The following CHRNA7 variants were observed in gnomAD, a reference collection of about 807,000 sequenced individuals.
CHRNA7 encodes the protein neuronal acetylcholine receptor subunit alpha-7.
CHRNA7 carries 17 observed loss-of-function variants against 48.0 expected under a neutral mutation model. That is an observed-to-expected ratio of 0.35 (90% CI 0.24 to 0.53). The LOEUF is 0.53. Ranked by LOEUF, CHRNA7 falls within the 20% of genes least tolerant of loss-of-function variation. The pLI, the probability that CHRNA7 is intolerant of heterozygous loss-of-function variation, is 0.92. For synonymous variants in CHRNA7, 75 were observed against 242.3 expected, an observed-to-expected ratio of 0.31 and a Z score of 6.41; for missense variants, 155 against 577.7, an observed-to-expected ratio of 0.27 and a Z score of 7.50.
intron 2 of CHRNA7, among the ~76,000 whole-genome samples, chr15:32,049,585 C>G (rs949063119): frequency 5.3e-5 from 8 of 152,242 alleles, no homozygotes; most frequent in Admixed American, 3.9e-4. Context: ...ACTGATGGGT[C>G]TTGACTCTTT....
chr15:32,034,018 A>G (rs1901968002), intron 2 of CHRNA7, among the ~76,000 whole-genome samples: 1 of 152,254 alleles, frequency 6.6e-6, no homozygotes, highest in Non-Finnish European at 1.5e-5. Context: ...TAACAGAAAG[A>G]TGAGGGATTA....
intron 2 of CHRNA7, chr15:32,099,799 G>A (rs1214196660): frequency 6.6e-6 from 1 of 152,240 alleles, no homozygotes; most frequent in South Asian, 2.1e-4. Flanking sequence ...GGGATCATTT[G>A]CTCAGTGCAG....
chr15:32,096,785 G>A (rs547292793), intron 2 of CHRNA7, among the ~76,000 whole-genome samples: 45 of 152,302 alleles, frequency 3.0e-4, no homozygotes, highest in African/African-American at 1.0e-3. Context: ...CCAGATAGAC[G>A]ATTATTCAGA....
chr15:32,116,840 A>G (rs966884159), intron 4 of CHRNA7, among the ~76,000 whole-genome samples: 1 of 152,222 alleles, frequency 6.6e-6, no homozygotes, highest in African/African-American at 2.4e-5. Context: ...TTAGAACAGC[A>G]TGGGGTTTCA....
intron 4 of CHRNA7, among the ~76,000 whole-genome samples, chr15:32,150,130 C>T (rs887960986): frequency 3.3e-5 from 5 of 152,170 alleles, no homozygotes; most frequent in African/African-American, 7.2e-5. Flanking sequence ...TAGCTCACTG[C>T]AGCCTCAAAC....
intron 2 of CHRNA7, among the ~76,000 whole-genome samples, chr15:32,078,433 G>A (rs1300412831): frequency 6.6e-6 from 1 of 152,046 alleles, no homozygotes; most frequent in African/African-American, 2.4e-5. Context: ...TTTTTCGTAT[G>A]TGGATGTGAG....
intron 4 of CHRNA7, among the ~76,000 whole-genome samples, chr15:32,117,516 A>C (rs1420267732): frequency 6.6e-6 from 1 of 152,192 alleles, no homozygotes; most frequent in Non-Finnish European, 1.5e-5. Context: ...TTGTAGATCC[A>C]ATCTCAGCTT....
chr15:32,051,252 G>T, intron 2 of CHRNA7, among the ~76,000 whole-genome samples: 1 of 151,888 alleles, frequency 6.6e-6, no homozygotes, highest in Admixed American at 6.6e-5. Context: ...GCCCCCAGAG[G>T]TGGAGCCTAC....
At chr15:32,071,473 C>T (rs746499559) in intron 2 of CHRNA7, among the ~76,000 whole-genome samples, 2 of 152,146 alleles carry the variant, frequency 1.3e-5, no homozygotes, top group African/African-American at 2.4e-5. Flanking sequence ...CAAGTACACA[C>T]TTCGTTAGAT....
chr15:32,129,202 G>T, intron 4 of CHRNA7, among the ~76,000 whole-genome samples: 1 of 151,720 alleles, frequency 6.6e-6, no homozygotes, highest in East Asian at 1.9e-4. Context: ...AGAGAATGTG[G>T]TCTGTAGTTT....
At chr15:32,078,786 C>T (rs2050172827) in intron 2 of CHRNA7, among the ~76,000 whole-genome samples, 1 of 152,050 alleles carries the variant, frequency 6.6e-6, no homozygotes, top group South Asian at 2.1e-4. Flanking sequence ...AGGGACTCCA[C>T]CCTAACTCAT....
intron 4 of CHRNA7, among the ~76,000 whole-genome samples, chr15:32,128,090 C>T (rs546839213): frequency 2.9e-4 from 44 of 152,018 alleles, no homozygotes; most frequent in African/African-American, 9.9e-4. Flanking sequence ...TTCTGAATTG[C>T]TTTGAAAAAA....
Position 32,137,340 on chromosome 15 carries a change from C to G in CHRNA7, c.351-16567C>G, listed in dbSNP as rs867979242. Among the ~76,000 whole-genome samples the G allele has an allele frequency of 9.1e-3, 1,381 of 151,388 alleles. 8 individuals are homozygous for G. The highest frequency in any genetic ancestry group is 0.015 in the Non-Finnish European group (1,020 of 67,824). ...TGAGTGGCTATGTTTACAACACCCC[C>G]CCCCCACACAAACACAGTAAGAAAA... On this transcript the variant is annotated intron_variant, in intron 4 of 9. Transcript: ENST00000306901.
At chr15:32,105,452 G>A (rs967262478) in intron 3 of CHRNA7, among the ~76,000 whole-genome samples, 1 of 150,224 alleles carries the variant, frequency 6.7e-6, no homozygotes, top group Non-Finnish European at 1.5e-5. Flanking sequence ...GGAGAAGGAG[G>A]AAGAGGAGGA....
chr15:32,104,955 T>A (rs1302209155), intron 3 of CHRNA7, among the ~76,000 whole-genome samples: 2 of 152,216 alleles, frequency 1.3e-5, no homozygotes, highest in Admixed American at 1.3e-4. Context: ...AGTAAGTGAC[T>A]GGTCTTCAGC....
intron 4 of CHRNA7, among the ~76,000 whole-genome samples, chr15:32,127,281 T>A (rs1420422567): frequency 6.6e-6 from 1 of 152,166 alleles, no homozygotes; most frequent in Non-Finnish European, 1.5e-5. Flanking sequence ...AACATCCATG[T>A]CCATGTTTGT....
intron 2 of CHRNA7, among the ~76,000 whole-genome samples, chr15:32,043,468 G>A (rs2049483237): frequency 6.6e-6 from 1 of 151,136 alleles, no homozygotes; most frequent in South Asian, 2.1e-4. Flanking sequence ...TGGATTAATT[G>A]CTCATTTTAT....
intron 2 of CHRNA7, among the ~76,000 whole-genome samples, chr15:32,091,098 G>A (rs1355329928): frequency 7.2e-5 from 11 of 151,834 alleles, no homozygotes; most frequent in Admixed American, 3.9e-4. Context: ...CCAAATCTGC[G>A]TTTTTACCCC....
At chr15:32,115,321 G>C (rs924599362) in intron 4 of CHRNA7, among the ~76,000 whole-genome samples, 1 of 152,162 alleles carries the variant, frequency 6.6e-6, no homozygotes, top group African/African-American at 2.4e-5. Flanking sequence ...GAAGGGGAAG[G>C]CACGCTCCGC....
Sources: allele counts gnomAD v4.1 joint callset (sites outside exome capture counted in the v4.1 genomes callset), GRCh38; gene constraint gnomAD v4.1.1; transcripts MANE v1.5; gene names NCBI Gene and HGNC (gene_info 2026-07-23, HGNC 2026-07-21).